STAU2: variants seen among roughly 807,000 people sequenced by gnomAD.
The protein encoded by STAU2 is staufen double-stranded RNA binding protein 2.
In STAU2, 20 loss-of-function variants were observed where a neutral mutation model predicts 65.9. The ratio of observed to expected loss-of-function variants is 0.30; its 90% CI spans 0.21 to 0.44. The LOEUF (loss-of-function observed/expected upper bound fraction) is 0.44. STAU2 is among the 20% of genes least tolerant of loss of function. The pLI is 1.00. For synonymous variants in STAU2, 232 were observed against 233.9 expected (o/e 0.99, Z 0.07); for missense variants, 558 against 683.9 (o/e 0.82, Z 2.05).
intron 6 of STAU2, among the ~76,000 whole-genome samples, chr8:73,639,195 T>C (rs1814774939): frequency 6.6e-6 from 1 of 152,264 alleles, no homozygotes; most frequent in South Asian, 2.1e-4. Context: ...GATACATTAA[T>C]TTCACTGGTT....
At chr8:73,660,130 T>C (rs1816714449) in intron 6 of STAU2, among the ~76,000 whole-genome samples, 1 of 152,194 alleles carries the variant, frequency 6.6e-6, no homozygotes, top group South Asian at 2.1e-4. Flanking sequence ...TTTGTTTTTG[T>C]CTAAAGGGGA....
intron 13 of STAU2, among the ~76,000 whole-genome samples, chr8:73,426,644 C>CT (rs931754647): frequency 7.9e-5 from 12 of 152,150 alleles, no homozygotes; most frequent in South Asian, 2.1e-4. Context: ...GGATTTCATT[C>CT]TTTTTTTACG....
rs1460857945 is a variant in STAU2 at position 73,734,228 on chromosome 8, GGTTT to G, written c.-18+4052_-18+4055del. Among the ~76,000 whole-genome samples the G allele has an allele frequency of 6.6e-5, 8 of 122,026 alleles. No homozygotes were observed. The South Asian group carries it at 7.5e-4, about 11-fold the overall frequency. 80.1% of individuals were successfully genotyped at this position (122,026 alleles called of 152,430 possible). On this transcript the variant is annotated intron_variant, in intron 3 of 14. Coordinates refer to ENST00000524300, the MANE Select transcript of STAU2 (RefSeq NM_001164380.2). ...GTGATTTTTTTTGTTTGTTTTTCAGGGTTTGTTTTTTTTTTTTTTTGCTTATCAC... is the reference window on the plus strand; with the variant it reads ...GTGATTTTTTTTGTTTGTTTTTCAGGGTTTTTTTTTTTTTTTGCTTATCAC...
chr8:73,623,335 T>A (rs1167285869), intron 6 of STAU2, among the ~76,000 whole-genome samples: 1 of 152,204 alleles, frequency 6.6e-6, no homozygotes, highest in East Asian at 1.9e-4. Flanking sequence ...TTCCTGAGTA[T>A]CATTTTTACA....
At chr8:73,739,702 C>A in intron 2 of STAU2, 54 bp downstream of exon 2, 2 of 1,424,216 alleles carry the variant, frequency 1.4e-6, no homozygotes, top group East Asian at 2.5e-5. Flanking sequence ...GTATAAAGAG[C>A]ACACGGCCTG....
chr8:73,535,370 C>T (rs1262670390), intron 13 of STAU2, among the ~76,000 whole-genome samples: 1 of 152,052 alleles, frequency 6.6e-6, no homozygotes, highest in Admixed American at 6.5e-5. Context: ...GGGGTTTCAC[C>T]GTGATAGCCA....
intron 13 of STAU2, among the ~76,000 whole-genome samples, chr8:73,510,228 C>T (rs1822309030): frequency 6.6e-6 from 1 of 151,938 alleles, no homozygotes; most frequent in African/African-American, 2.4e-5. Context: ...CCACCACACC[C>T]AGCTAATTTT....
chr8:73,546,148 G>GTTTTTTTTTTTTTTTTTTTTTTTTTTT (rs1563412799), intron 13 of STAU2, among the ~76,000 whole-genome samples: 7 of 116,462 alleles, frequency 6.0e-5, no homozygotes, highest in Non-Finnish European at 8.1e-5. Context: ...TTTTTTTTTG[G>GTTTTTTTTTTTTTTTTTTTTTTTTTTT]TAGAGACAGA....
At chr8:73,664,633 A>T (rs566560870) in intron 6 of STAU2, among the ~76,000 whole-genome samples, 132 of 152,336 alleles carry the variant, frequency 8.7e-4, no homozygotes, top group Non-Finnish European at 1.4e-3. Flanking sequence ...TTCCTAGAAT[A>T]AACTTCATTT....
chr8:73,571,759 GA>G (rs1809109479), intron 12 of STAU2, among the ~76,000 whole-genome samples: 1 of 152,156 alleles, frequency 6.6e-6, no homozygotes, highest in Non-Finnish European at 1.5e-5. Flanking sequence ...TGTATAGAGG[GA>G]AATTTATAGC....
Position 73,615,872 on chromosome 8 carries a change from C to G in STAU2, c.571-90G>C. ...CAGTCAAGATGGCCTATTTAAATTACAAGAAGAAACAACAAACTATATAGA... is the reference window on the plus strand; with the variant it reads ...CAGTCAAGATGGCCTATTTAAATTAGAAGAAGAAACAACAAACTATATAGA... On this transcript the variant is annotated intron_variant, in intron 7 of 14. Coordinates refer to ENST00000524300, the MANE Select transcript of STAU2 (RefSeq NM_001164380.2). 3.2e-6 allele frequency: 3 copies of G among 924,962 alleles called. No homozygotes were observed. In the South Asian group the frequency reaches 4.5e-5, roughly 14 times the overall value. The allele number at this position is 924,962 out of a possible 1,614,324, so 57.3% of individuals were successfully genotyped here. A position where few individuals can be genotyped will look rare whatever the true frequency, so the allele number is the denominator to read the frequency against.
chr8:73,467,394 T>C (rs1284079155), intron 13 of STAU2, among the ~76,000 whole-genome samples: 1 of 152,050 alleles, frequency 6.6e-6, no homozygotes, highest in East Asian at 1.9e-4. Flanking sequence ...TAGCCGGGCA[T>C]GGTGGCGGGC....
At chr8:73,663,484 G>C (rs541916150) in intron 6 of STAU2, among the ~76,000 whole-genome samples, 1 of 152,144 alleles carries the variant, frequency 6.6e-6, no homozygotes, top group South Asian at 2.1e-4. Context: ...GATTATTGTA[G>C]CTTTATAGCA....
intron 6 of STAU2, among the ~76,000 whole-genome samples, chr8:73,664,848 C>G (rs1389299233): frequency 6.6e-6 from 1 of 151,874 alleles, no homozygotes; most frequent in Non-Finnish European, 1.5e-5. Flanking sequence ...AAAAATTAGC[C>G]AGGTGTGGTG....
chr8:73,558,851 A>G (rs1807980188), intron 12 of STAU2, among the ~76,000 whole-genome samples: 1 of 152,150 alleles, frequency 6.6e-6, no homozygotes, highest in South Asian at 2.1e-4. Flanking sequence ...GCTTGAATTT[A>G]CGCCTCAACA....
intron 4 of STAU2, among the ~76,000 whole-genome samples, chr8:73,693,893 C>A (rs1207855292): frequency 6.6e-6 from 1 of 152,012 alleles, no homozygotes; most frequent in Non-Finnish European, 1.5e-5. Context: ...GTGTAAACAC[C>A]CCCACTTGAA....
chr8:73,695,320 C>T (rs1819626885), intron 4 of STAU2, among the ~76,000 whole-genome samples: 1 of 152,168 alleles, frequency 6.6e-6, no homozygotes, highest in Non-Finnish European at 1.5e-5. Flanking sequence ...GCCCCCATTC[C>T]AGGCCCTAGC....
chr8:73,617,981 G>A (rs1043924847), intron 6 of STAU2, among the ~76,000 whole-genome samples: 3 of 152,116 alleles, frequency 2.0e-5, no homozygotes, highest in East Asian at 1.9e-4. Context: ...TACATTTTAC[G>A]GTGCCTGAGG....
chr8:73,433,365 C>T (rs905965752), intron 13 of STAU2, among the ~76,000 whole-genome samples: 1 of 151,210 alleles, frequency 6.6e-6, no homozygotes, highest in African/African-American at 2.4e-5. Flanking sequence ...CCACGACACC[C>T]AGCTAATTTT....
Sources: gnomAD v4.1 joint callset for allele counts (sites outside exome capture counted in the v4.1 genomes callset) on GRCh38, gnomAD v4.1.1 for gene constraint, MANE v1.5 for transcripts, NCBI Gene and HGNC (gene_info 2026-07-23, HGNC 2026-07-21) for gene names.